CELF4: variants seen among roughly 807,000 people sequenced by gnomAD.
The protein encoded by CELF4 is CUG-BP- and ETR-3-like factor 4.
In CELF4, 18 loss-of-function variants were observed where a neutral mutation model predicts 59.9. The ratio of observed to expected loss-of-function variants is 0.30; its 90% CI spans 0.21 to 0.45. CELF4 has a LOEUF of 0.45. CELF4 is among the 20% of genes least tolerant of loss of function. The pLI is 1.00. For synonymous variants in CELF4, 261 were observed against 267.1 expected (o/e 0.98, Z 0.22); for missense variants, 456 against 689.0 (o/e 0.66, Z 3.79).
At chr18:37,563,093 G>A (rs908148617) in intron 1 of CELF4, among the ~76,000 whole-genome samples, 5 of 150,292 alleles carry the variant, frequency 3.3e-5, no homozygotes, top group African/African-American at 1.2e-4. Flanking sequence ...TGTAATATAT[G>A]TATTACGTAT....
rs1398627267 is a variant in CELF4, at chr18:37,291,722, T to C, written c.449-16479A>G. Among the ~76,000 whole-genome samples, 3 of 152,348 alleles carry C rather than the reference T, an allele frequency of 2.0e-5. No homozygotes were observed. In the East Asian group the frequency reaches 5.8e-4, roughly 29 times the overall value. On this transcript the variant is annotated intron_variant, in intron 3 of 12. Transcript: ENST00000420428. ...GTTCCCTCTACTCATCAACCTCCTC[T>C]GTCCCACCACATTGGGGACATCCCT...
At chr18:37,361,379 G>A (rs542218427) in intron 2 of CELF4, among the ~76,000 whole-genome samples, 7 of 152,282 alleles carry the variant, frequency 4.6e-5, no homozygotes, top group Non-Finnish European at 8.8e-5. Context: ...GCTGCCTGAC[G>A]GGTTCCTGTT....
At chr18:37,444,078 A>T (rs1228399581) in intron 2 of CELF4, among the ~76,000 whole-genome samples, 1 of 152,002 alleles carries the variant, frequency 6.6e-6, no homozygotes, top group Non-Finnish European at 1.5e-5. Context: ...CAATGTTCTC[A>T]TCTGTAATTG....
chr18:37,474,542 C>T (rs1289394120), intron 2 of CELF4, among the ~76,000 whole-genome samples: 1 of 152,356 alleles, frequency 6.6e-6, no homozygotes. Context: ...GGCTCTGGCG[C>T]CAGATCTCTC....
chr18:37,466,068 C>T (rs1720883865), intron 2 of CELF4, among the ~76,000 whole-genome samples: 2 of 152,212 alleles, frequency 1.3e-5, no homozygotes, highest in Non-Finnish European at 2.9e-5. Context: ...ATCCCCCTTT[C>T]TAGGCCAGCT....
chr18:37,492,940 G>C (rs1954517067), intron 1 of CELF4, among the ~76,000 whole-genome samples: 2 of 152,126 alleles, frequency 1.3e-5, no homozygotes, highest in Non-Finnish European at 2.9e-5. Flanking sequence ...TCTTCTCTGT[G>C]TGTCCAGCCA....
intron 2 of CELF4, among the ~76,000 whole-genome samples, chr18:37,423,284 G>T (rs2099591700): frequency 6.6e-6 from 1 of 152,158 alleles, no homozygotes. Flanking sequence ...AGGCTGCCAG[G>T]GTCTTTCTCA....
chr18:37,327,106 G>A (rs2097343991), intron 2 of CELF4, among the ~76,000 whole-genome samples: 1 of 152,160 alleles, frequency 6.6e-6, no homozygotes, highest in African/African-American at 2.4e-5. Context: ...GAGGCCTGTG[G>A]CTTGTGGGCA....
At chr18:37,342,994 T>C (rs1442282425) in intron 2 of CELF4, among the ~76,000 whole-genome samples, 1 of 152,062 alleles carries the variant, frequency 6.6e-6, no homozygotes, top group East Asian at 1.9e-4. Context: ...GTCCTTACAC[T>C]GAAGGAGGAG....
intron 2 of CELF4, among the ~76,000 whole-genome samples, chr18:37,360,544 C>G (rs2098686884): frequency 1.3e-5 from 2 of 152,186 alleles, no homozygotes; most frequent in African/African-American, 4.8e-5. Context: ...AAATCATCCC[C>G]AAAATGAGGA....
At chr18:37,456,631 TAGGATGGGTC>T (rs1337776790) in intron 2 of CELF4, among the ~76,000 whole-genome samples, 1 of 152,052 alleles carries the variant, frequency 6.6e-6, no homozygotes, top group Admixed American at 6.5e-5. Context: ...GGGTCGAAAT[TAGGATGGGTC>T]TTCTTAGCCC....
intron 2 of CELF4, among the ~76,000 whole-genome samples, chr18:37,378,832 G>T (rs2154568387): frequency 6.6e-6 from 1 of 152,130 alleles, no homozygotes; most frequent in Middle Eastern, 3.4e-3. Flanking sequence ...AGGCCCTGGG[G>T]ACAGCATGGA....
chr18:37,438,528 C>T (rs1479451325), intron 2 of CELF4, among the ~76,000 whole-genome samples: 1 of 152,130 alleles, frequency 6.6e-6, no homozygotes, highest in Non-Finnish European at 1.5e-5. Flanking sequence ...GTCGTGCACC[C>T]TACCATGTTT....
chr18:37,390,303 G>A (rs1474093273), intron 2 of CELF4, among the ~76,000 whole-genome samples: 1 of 152,202 alleles, frequency 6.6e-6, no homozygotes, highest in Non-Finnish European at 1.5e-5. Context: ...AGCTCCCAGA[G>A]CCCTGGGGAT....
chr18:37,337,304 C>CCCTTGAGATTCTCCCTTGAGATTCT, intron 2 of CELF4, among the ~76,000 whole-genome samples: 1 of 152,278 alleles, frequency 6.6e-6, no homozygotes, highest in Admixed American at 6.5e-5. Context: ...CTCACACCCT[C>CCCTTGAGATTCTCCCTTGAGATTCT]CCCTTGAGAT....
At chr18:37,441,917 G>A (rs1033170063) in intron 2 of CELF4, among the ~76,000 whole-genome samples, 1 of 150,978 alleles carries the variant, frequency 6.6e-6, no homozygotes. Context: ...TAGATGACAC[G>A]GTGCGTCACC....
intron 3 of CELF4, among the ~76,000 whole-genome samples, chr18:37,296,648 AT>A (rs2095659830): frequency 1.3e-5 from 2 of 152,210 alleles, no homozygotes; most frequent in Admixed American, 6.5e-5. Context: ...ACTTGTGGGC[AT>A]CCTGGTTTGG....
At chr18:37,345,664 G>T (rs921867265) in intron 2 of CELF4, among the ~76,000 whole-genome samples, 1 of 152,112 alleles carries the variant, frequency 6.6e-6, no homozygotes, top group African/African-American at 2.4e-5. Context: ...GGGAGGCTCT[G>T]GGGGAGGAAG....
intron 2 of CELF4, among the ~76,000 whole-genome samples, chr18:37,323,713 C>T (rs2097202645): frequency 6.6e-6 from 1 of 152,208 alleles, no homozygotes; most frequent in African/African-American, 2.4e-5. Context: ...GACCCAGTTC[C>T]AGCCCTGATG....
Sources: gnomAD v4.1 joint callset for allele counts (sites outside exome capture counted in the v4.1 genomes callset) on GRCh38, gnomAD v4.1.1 for gene constraint, MANE v1.5 for transcripts, NCBI Gene and HGNC (gene_info 2026-07-23, HGNC 2026-07-21) for gene names.